SGSM1: variants seen among roughly 807,000 people sequenced by gnomAD.
SGSM1 encodes the protein RUN and TBC1 domain containing 2.
In SGSM1, 73 loss-of-function variants were observed where a neutral mutation model predicts 133.8. The ratio of observed to expected loss-of-function variants is 0.55; its 90% CI spans 0.45 to 0.66. The LOEUF (loss-of-function observed/expected upper bound fraction) is 0.66. SGSM1 is among the 30% of genes least tolerant of loss of function. SGSM1 has a pLI of 0.00. For missense variants in SGSM1, 1,213 were observed against 1,448.1 expected (o/e 0.84, Z 2.64); for synonymous variants, 563 against 573.0 (o/e 0.98, Z 0.25).
intron 16 of SGSM1, among the ~76,000 whole-genome samples, chr22:24,887,138 T>TGTGTGTGTGTG (rs1601956574): frequency 6.7e-5 from 10 of 148,602 alleles, no homozygotes; most frequent in Non-Finnish European, 8.9e-5. Context: ...TGTGTGTGTG[T>TGTGTGTGTGTG]TTTCTCTGCA....
intron 9 of SGSM1, among the ~76,000 whole-genome samples, chr22:24,862,145 T>C (rs1031473513): frequency 6.6e-6 from 1 of 152,058 alleles, no homozygotes; most frequent in East Asian, 1.9e-4. Flanking sequence ...AGACAGGGTT[T>C]CTCCGTGTTG....
Position 24,814,346 on chromosome 22 carries a change from A to T in SGSM1, c.63+7862A>T, listed in dbSNP as rs188293022. 1.2e-4 allele frequency among the ~76,000 whole-genome samples: 19 copies of T among 152,218 alleles called. No individual in the cohort carries two copies. The East Asian group carries it at 3.3e-3, about 26-fold the overall frequency. On this transcript the variant is annotated intron_variant, in intron 2 of 24. Transcript: ENST00000400358. ...TATTGATGACCTCATTTAATTATTGATCCCCCATGAAGTAGATAAAATCCC... is the reference window on the plus strand; with the variant it reads ...TATTGATGACCTCATTTAATTATTGTTCCCCCATGAAGTAGATAAAATCCC...
At chr22:24,816,417 CTT>C (rs3062145) in intron 2 of SGSM1, among the ~76,000 whole-genome samples, 2 of 130,074 alleles carry the variant, frequency 1.5e-5, no homozygotes, top group Non-Finnish European at 1.6e-5. Flanking sequence ...TTTTTTCTTT[CTT>C]TTTTTTTTTT....
intron 9 of SGSM1, among the ~76,000 whole-genome samples, chr22:24,862,388 G>A (rs1452531998): frequency 6.6e-6 from 1 of 152,090 alleles, no homozygotes; most frequent in Non-Finnish European, 1.5e-5. Flanking sequence ...GATCACACAA[G>A]CCCTGAATCT....
chr22:24,841,063 G>A (rs1473541518), intron 2 of SGSM1, among the ~76,000 whole-genome samples: 2 of 151,982 alleles, frequency 1.3e-5, no homozygotes, highest in South Asian at 2.1e-4. Flanking sequence ...TGTTAGCCAA[G>A]ATGGTCTCGA....
intron 18 of SGSM1, among the ~76,000 whole-genome samples, chr22:24,895,654 G>A (rs1219673667): frequency 6.6e-6 from 1 of 152,104 alleles, no homozygotes; most frequent in African/African-American, 2.4e-5. Context: ...TTTGGTAGTT[G>A]TTTTTTAAAT....
chr22:24,906,027 T>C (rs915584594), intron 21 of SGSM1, among the ~76,000 whole-genome samples: 150 of 151,970 alleles, frequency 9.9e-4, no homozygotes, highest in African/African-American at 3.3e-3. Context: ...AAAATACCAA[T>C]AAACTTAATT....
intron 24 of SGSM1, 91 bp from the exon 25 acceptor site, chr22:24,924,095 A>G (rs1787044335): frequency 9.1e-7 from 1 of 1,094,530 alleles, no homozygotes. Flanking sequence ...TGTGATGGAG[A>G]TGCCCCCAGA....
At chr22:24,837,970 C>T (rs111530598) in intron 2 of SGSM1, among the ~76,000 whole-genome samples, 2,288 of 152,304 alleles carry the variant, frequency 0.015, 49 homozygotes, top group African/African-American at 0.052. Flanking sequence ...TGGAACAGCT[C>T]GTGTCCTCTG....
intron 16 of SGSM1, among the ~76,000 whole-genome samples, chr22:24,888,938 CTTTTTT>C (rs1234715475): frequency 0.026 from 2,073 of 80,006 alleles, 45 homozygotes; most frequent in African/African-American, 0.1. Flanking sequence ...TCATAGTCAC[CTTTTTT>C]TTTTTTTTTT....
intron 2 of SGSM1, among the ~76,000 whole-genome samples, chr22:24,808,919 A>G (rs998615156): frequency 2.0e-4 from 30 of 151,130 alleles, no homozygotes; most frequent in African/African-American, 6.8e-4. Context: ...TGACCCTCCC[A>G]TCCCACAAAC....
chr22:24,922,616 C>CT (rs1934053329), intron 24 of SGSM1, among the ~76,000 whole-genome samples: 1 of 151,192 alleles, frequency 6.6e-6, no homozygotes, highest in Non-Finnish European at 1.5e-5. Flanking sequence ...GCTGGGACTA[C>CT]AGGCATCCAC....
chr22:24,853,542 C>T (rs1930598485), intron 5 of SGSM1, among the ~76,000 whole-genome samples: 1 of 152,102 alleles, frequency 6.6e-6, no homozygotes, highest in African/African-American at 2.4e-5. Flanking sequence ...AACAAAAAGA[C>T]GTTTAATTGG....
At position 24,877,802 on chromosome 22, in the gene SGSM1, C is replaced by CTTTTTTT. The variant is rs36036968; in HGVS notation, c.1430+1107_1430+1113dup. ...TAATATTACTGGAGATTCTTTCTTT[C>CTTTTTTT]TTTTTTTTTTTTTTTTTTTTTTTTT... On this transcript the variant is annotated intron_variant, in intron 13 of 24. Transcript: ENST00000400358. Among the ~76,000 whole-genome samples, 82 of 75,448 alleles carry CTTTTTTT rather than the reference C, an allele frequency of 1.1e-3. 1 individual carries two copies. The highest frequency in any genetic ancestry group is 1.6e-3 in the Non-Finnish European group (65 of 41,548). 49.5% of individuals were successfully genotyped at this position (75,448 alleles called of 152,430 possible).
chr22:24,914,125 C>G (rs1250217177), intron 22 of SGSM1, among the ~76,000 whole-genome samples: 1 of 151,876 alleles, frequency 6.6e-6, no homozygotes, highest in Non-Finnish European at 1.5e-5. Flanking sequence ...CCTGTCTCTA[C>G]TAAAAAAATA....
Position 24,858,466 on chromosome 22 carries a change from TA to T in SGSM1, c.802-1249del, listed in dbSNP as rs550921713. Among the ~76,000 whole-genome samples, 474 of 151,636 alleles carry T rather than the reference TA, an allele frequency of 3.1e-3. 4 individuals are homozygous for T. The highest frequency in any genetic ancestry group is 0.011 in the African/African-American group (462 of 41,406). On this transcript the variant is annotated intron_variant, in intron 8 of 24. Coordinates refer to ENST00000400358, the MANE Select transcript of SGSM1 (RefSeq NM_001098497.3). ...CCTATCTCTACTAAAACCTTATCTTTACTAAAAAAAAATACAAAAATTAGCT... is the reference window on the plus strand; with the variant it reads ...CCTATCTCTACTAAAACCTTATCTTTCTAAAAAAAAATACAAAAATTAGCT...
At chr22:24,810,478 C>T (rs1010555093) in intron 2 of SGSM1, among the ~76,000 whole-genome samples, 1 of 152,060 alleles carries the variant, frequency 6.6e-6, no homozygotes, top group South Asian at 2.1e-4. Context: ...CCCTGCCAAC[C>T]CTTAATTTTG....
intron 18 of SGSM1, among the ~76,000 whole-genome samples, chr22:24,895,857 G>A (rs1932901976): frequency 6.6e-6 from 1 of 152,090 alleles, no homozygotes; most frequent in Non-Finnish European, 1.5e-5. Flanking sequence ...CCCAGTCTGG[G>A]CAACATGGCA....
rs758030947 is a variant in SGSM1 at position 24,898,415 on chromosome 22, A to G, written c.2466A>G (p.Thr822=). The change falls in exon 19 of 25, where the codon ACA becomes ACG. Residue 822 remains threonine, a synonymous_variant. Transcript: ENST00000400358. The part of the protein sequence containing the change: ...VVMEGWRSSE[T]EKHGQADSED... ...TGGAGGGCTGGAGGAGCAGCGAGAC[A>G]GAGAAACATGGCCAGGCGGACAGTG... is the stretch of plus-strand genomic sequence containing the variant. 1.9e-6 allele frequency: 3 copies of G among 1,613,726 alleles called. No homozygotes were observed. Among genetic ancestry groups the G allele is most frequent in the Non-Finnish European group, 2.5e-6 (3 of 1,179,856 alleles).
Sources: gnomAD v4.1 joint callset for allele counts (sites outside exome capture counted in the v4.1 genomes callset) on GRCh38, gnomAD v4.1.1 for gene constraint, MANE v1.5 for transcripts, NCBI Gene and HGNC (gene_info 2026-07-23, HGNC 2026-07-21) for gene names.